ADAMTSL1: variants seen among roughly 807,000 people sequenced by gnomAD.
The protein encoded by ADAMTSL1 is ADAMTS like 1.
ADAMTSL1 carries 126 observed loss-of-function variants against 201.8 expected under a neutral mutation model. That is an observed-to-expected ratio of 0.62 (90% CI 0.54 to 0.72). The LOEUF is 0.72. Ranked by LOEUF, ADAMTSL1 falls within the 30% of genes least tolerant of loss-of-function variation. The probability of loss-of-function intolerance (pLI) is 0.00; values close to 1 mark genes in which losing one functional copy is unlikely to be tolerated. For missense variants in ADAMTSL1, 2,679 were observed against 2,277.8 expected, an observed-to-expected ratio of 1.18 and a Z score of -3.59; for synonymous variants, 1,121 against 903.4, an observed-to-expected ratio of 1.24 and a Z score of -4.32.
At chr9:18,724,527 G>C (rs1036053095) in intron 15 of ADAMTSL1, among the ~76,000 whole-genome samples, 3 of 152,210 alleles carry the variant, frequency 2.0e-5, no homozygotes, top group African/African-American at 7.2e-5. Flanking sequence ...GTGTGTTTGT[G>C]TGCATGTAGT....
chr9:18,562,776 C>T (rs1175562382), intron 3 of ADAMTSL1, among the ~76,000 whole-genome samples: 1 of 152,162 alleles, frequency 6.6e-6, no homozygotes, highest in Non-Finnish European at 1.5e-5. Flanking sequence ...GATCTTCAAT[C>T]TTTGATATCC....
chr9:18,480,136 G>A (rs896905631), intron 1 of ADAMTSL1, among the ~76,000 whole-genome samples: 2 of 152,236 alleles, frequency 1.3e-5, no homozygotes, highest in Admixed American at 6.5e-5. Flanking sequence ...TCACAGTTTT[G>A]TAAAACTTGA....
At chr9:18,602,377 C>A (rs555391729) in intron 4 of ADAMTSL1, among the ~76,000 whole-genome samples, 37 of 152,312 alleles carry the variant, frequency 2.4e-4, no homozygotes, top group African/African-American at 7.9e-4. Flanking sequence ...AGGGTTCAAA[C>A]AATTTCTTAA....
chr9:18,218,762 A>T (rs943266366), intron 2 of ADAMTSL1, among the ~76,000 whole-genome samples: 8 of 151,946 alleles, frequency 5.3e-5, no homozygotes, highest in African/African-American at 1.9e-4. Flanking sequence ...ATGTAATTTT[A>T]ATAGGTTGAA....
intron 1 of ADAMTSL1, among the ~76,000 whole-genome samples, chr9:17,952,575 A>G (rs1827767969): frequency 6.6e-6 from 1 of 152,074 alleles, no homozygotes; most frequent in African/African-American, 2.4e-5. Context: ...GTTCCTGCCT[A>G]GATACTACCA....
At chr9:18,330,464 A>T (rs1050812072) in intron 2 of ADAMTSL1, among the ~76,000 whole-genome samples, 2 of 151,944 alleles carry the variant, frequency 1.3e-5, no homozygotes, top group Admixed American at 1.3e-4. Context: ...AAAAAAAAAA[A>T]CTAAAATCTC....
chr9:17,921,694 G>T (rs7024652), intron 1 of ADAMTSL1, among the ~76,000 whole-genome samples: 148,040 of 152,236 alleles, frequency 0.97, 72,030 homozygotes, highest in East Asian at 1. Flanking sequence ...AAAAAGACAC[G>T]AGATTTGTGT....
chr9:18,800,998 T>C (rs941693207), intron 20 of ADAMTSL1, among the ~76,000 whole-genome samples: 1 of 152,068 alleles, frequency 6.6e-6, no homozygotes, highest in African/African-American at 2.4e-5. Flanking sequence ...ATCTGAATAT[T>C]GAAAGAGAAT....
chr9:18,322,347 G>A (rs1011073864), intron 2 of ADAMTSL1, among the ~76,000 whole-genome samples: 8 of 152,126 alleles, frequency 5.3e-5, no homozygotes, highest in African/African-American at 1.9e-4. Flanking sequence ...TAAACCATTA[G>A]CAGTACCAGG....
intron 1 of ADAMTSL1, among the ~76,000 whole-genome samples, chr9:17,997,026 G>T (rs1341083185): frequency 6.6e-6 from 1 of 152,100 alleles, no homozygotes; most frequent in Non-Finnish European, 1.5e-5. Flanking sequence ...ACTTGAGTGG[G>T]CATTTTGCCC....
At chr9:18,890,599 A>G in intron 25 of ADAMTSL1, 1 of 456,040 alleles carries the variant, frequency 2.2e-6, no homozygotes, top group Non-Finnish European at 4.4e-6. Flanking sequence ...TCGATGAAAT[A>G]TGAAACATGC....
At chr9:18,510,569 T>C (rs1817965513) in intron 2 of ADAMTSL1, among the ~76,000 whole-genome samples, 1 of 152,150 alleles carries the variant, frequency 6.6e-6, no homozygotes, top group Non-Finnish European at 1.5e-5. Context: ...AGGTTTATGA[T>C]ATTGGAACAC....
At chr9:18,591,950 A>G (rs1823942170) in intron 4 of ADAMTSL1, among the ~76,000 whole-genome samples, 1 of 152,206 alleles carries the variant, frequency 6.6e-6, no homozygotes, top group Admixed American at 6.5e-5. Context: ...GGCAAAACTT[A>G]TAGCCCAATT....
At chr9:18,616,072 C>T (rs777806147) in intron 4 of ADAMTSL1, among the ~76,000 whole-genome samples, 2 of 152,048 alleles carry the variant, frequency 1.3e-5, no homozygotes, top group Non-Finnish European at 2.9e-5. Flanking sequence ...GTTGCCCAGG[C>T]TGGAGTGGAG....
At chr9:18,652,660 G>A (rs1324953068) in intron 7 of ADAMTSL1, among the ~76,000 whole-genome samples, 1 of 152,168 alleles carries the variant, frequency 6.6e-6, no homozygotes, top group Non-Finnish European at 1.5e-5. Flanking sequence ...TTGTAGCCCA[G>A]CACATTTAAG....
At chr9:18,865,491 C>CA in intron 23 of ADAMTSL1, among the ~76,000 whole-genome samples, 1 of 152,144 alleles carries the variant, frequency 6.6e-6, no homozygotes, top group East Asian at 1.9e-4. Context: ...AATAGTGCCT[C>CA]AATAAACATA....
chr9:17,908,493 G>A (rs940828306), intron 1 of ADAMTSL1, among the ~76,000 whole-genome samples: 41 of 151,198 alleles, frequency 2.7e-4, no homozygotes, highest in African/African-American at 9.0e-4. Flanking sequence ...TTTCACTCTC[G>A]TTGCCCAGGC....
At chr9:18,415,723 A>T (rs905260306) in intron 2 of ADAMTSL1, among the ~76,000 whole-genome samples, 10 of 152,130 alleles carry the variant, frequency 6.6e-5, no homozygotes, top group Admixed American at 2.6e-4. Flanking sequence ...GACAAAAAAC[A>T]TGAAGGAAGC....
At chr9:18,206,664 T>C (rs1829660392) in intron 2 of ADAMTSL1, among the ~76,000 whole-genome samples, 1 of 152,184 alleles carries the variant, frequency 6.6e-6, no homozygotes, top group Non-Finnish European at 1.5e-5. Flanking sequence ...ATCCTTTCTC[T>C]ATCTTTTAGG....
Sources: gnomAD v4.1 joint callset for allele counts (sites outside exome capture counted in the v4.1 genomes callset) on GRCh38, gnomAD v4.1.1 for gene constraint, MANE v1.5 for transcripts, NCBI Gene and HGNC (gene_info 2026-07-23, HGNC 2026-07-21) for gene names.